Variants in ANO3 observed in about 807,000 individuals in gnomAD.
The protein encoded by ANO3 is anoctamin 3.
In ANO3, 99 loss-of-function variants were observed where a neutral mutation model predicts 144.8. The observed-to-expected ratio is 0.68, with a 90% CI of 0.58 to 0.81. The LOEUF (loss-of-function observed/expected upper bound fraction) is 0.81. ANO3 is among the 30% of genes least tolerant of loss of function. ANO3 has a pLI of 0.00. For missense variants in ANO3, 905 were observed against 1,202.2 expected, an observed-to-expected ratio of 0.75 and a Z score of 3.66; for synonymous variants, 414 against 392.6, an observed-to-expected ratio of 1.05 and a Z score of -0.64.
chr11:26,471,935 A>C (rs1859798372), intron 4 of ANO3, among the ~76,000 whole-genome samples: 1 of 151,958 alleles, frequency 6.6e-6, no homozygotes, highest in South Asian at 2.1e-4. Context: ...TTAAGAATTT[A>C]TTTTGGAAGA....
intron 1 of ANO3, among the ~76,000 whole-genome samples, chr11:26,301,643 G>A (rs954220209): frequency 1.1e-4 from 16 of 152,084 alleles, no homozygotes; most frequent in African/African-American, 3.9e-4. Flanking sequence ...TTGAGAGATA[G>A]GGAAGGAAGA....
chr11:26,323,366 T>G (rs1203873170), intron 1 of ANO3, among the ~76,000 whole-genome samples: 3 of 152,188 alleles, frequency 2.0e-5, no homozygotes, highest in African/African-American at 7.2e-5. Flanking sequence ...GTATGCATTT[T>G]GATCTGTCTG....
chr11:26,229,881 A>T (rs1004522975), intron 1 of ANO3, among the ~76,000 whole-genome samples: 1 of 152,228 alleles, frequency 6.6e-6, no homozygotes, highest in African/African-American at 2.4e-5. Context: ...GAATAAAAGG[A>T]TAACAGTTAT....
At chr11:26,197,350 G>A (rs753647710) in intron 1 of ANO3, among the ~76,000 whole-genome samples, 10 of 151,962 alleles carry the variant, frequency 6.6e-5, no homozygotes, top group Non-Finnish European at 1.0e-4. Context: ...TTTTGTTTTT[G>A]TTTTTGTTTT....
chr11:26,630,571 C>G (rs1852744524), intron 18 of ANO3, among the ~76,000 whole-genome samples: 1 of 151,866 alleles, frequency 6.6e-6, no homozygotes, highest in Non-Finnish European at 1.5e-5. Flanking sequence ...TTATAAAAAA[C>G]AGTTTATAAG....
At chr11:26,485,710 T>C (rs1373060288) in intron 4 of ANO3, among the ~76,000 whole-genome samples, 1 of 152,050 alleles carries the variant, frequency 6.6e-6, no homozygotes, top group African/African-American at 2.4e-5. Flanking sequence ...CAACTCAAGA[T>C]GGATCCAAGA....
At chr11:26,303,259 G>A (rs2133864496) in intron 1 of ANO3, among the ~76,000 whole-genome samples, 1 of 152,144 alleles carries the variant, frequency 6.6e-6, no homozygotes, top group South Asian at 2.1e-4. Flanking sequence ...TCATCACAGC[G>A]CTATTGACAA....
At position 26,559,853 on chromosome 11, in the gene ANO3, C is replaced by T. The variant is rs11029616; in HGVS notation, c.1447+74C>T. On this transcript the variant is annotated intron_variant, in intron 14 of 26. Transcript: ENST00000256737. The stretch of plus-strand genomic sequence containing the variant: ...TCTGTGTTACACACACACACACACA[C>T]ACACACACACACACACACACACCAT... 3,889 of 798,002 alleles carry T rather than the reference C, an allele frequency of 4.9e-3. 10 individuals are homozygous for T. Among genetic ancestry groups the T allele is most frequent in the South Asian group, 0.011 (681 of 59,958 alleles). The allele number at this position is 798,002 out of a possible 1,614,324, so 49.4% of individuals were successfully genotyped here. A position where few individuals can be genotyped will look rare whatever the true frequency, so the allele number is the denominator to read the frequency against.
chr11:26,582,833 T>C (rs1851171500), intron 14 of ANO3, among the ~76,000 whole-genome samples: 1 of 152,202 alleles, frequency 6.6e-6, no homozygotes, highest in Non-Finnish European at 1.5e-5. Context: ...ACTCCTGTTA[T>C]TTTTGTTGAT....
At chr11:26,200,552 G>A (rs1305941125) in intron 1 of ANO3, among the ~76,000 whole-genome samples, 6 of 152,130 alleles carry the variant, frequency 3.9e-5, no homozygotes, top group African/African-American at 1.4e-4. Flanking sequence ...TGCTGAACAA[G>A]GCCAACGTGG....
At chr11:26,585,009 A>C (rs550060813) in intron 14 of ANO3, among the ~76,000 whole-genome samples, 13 of 152,194 alleles carry the variant, frequency 8.5e-5, no homozygotes, top group Non-Finnish European at 1.9e-4. Flanking sequence ...TTTCTGGAAT[A>C]TCCCTTTCAC....
intron 14 of ANO3, among the ~76,000 whole-genome samples, chr11:26,592,189 T>A (rs1851473182): frequency 1.3e-5 from 2 of 152,126 alleles, no homozygotes; most frequent in South Asian, 4.2e-4. Context: ...TAAGTCACAC[T>A]TTTGGGAGAG....
At chr11:26,660,215 C>T (rs776013402) in intron 26 of ANO3, 47 bp from the exon 27 acceptor site, 1 of 1,539,338 alleles carries the variant, frequency 6.5e-7, no homozygotes, top group African/African-American at 1.4e-5. Context: ...TTATAATTAG[C>T]ATTTCAGAAT....
At chr11:26,513,340 G>A (rs1260566936) in intron 5 of ANO3, among the ~76,000 whole-genome samples, 1 of 152,198 alleles carries the variant, frequency 6.6e-6, no homozygotes. Context: ...GGACAAGAGT[G>A]TGAGCAAAGA....
At chr11:26,453,018 C>T (rs559465531) in intron 3 of ANO3, among the ~76,000 whole-genome samples, 1 of 151,988 alleles carries the variant, frequency 6.6e-6, no homozygotes, top group African/African-American at 2.4e-5. Context: ...ACTTTACAGA[C>T]AAGCAAATGC....
At chr11:26,426,102 T>C (rs574736254) in intron 1 of ANO3, among the ~76,000 whole-genome samples, 28 of 152,066 alleles carry the variant, frequency 1.8e-4, no homozygotes, top group African/African-American at 1.2e-4. Flanking sequence ...TATAAAATAC[T>C]GTGTGTGTGT....
intron 1 of ANO3, among the ~76,000 whole-genome samples, chr11:26,441,106 G>GGT (rs1325936058): frequency 3.0e-4 from 26 of 86,550 alleles, no homozygotes; most frequent in African/African-American, 1.1e-3. Context: ...TTGCTGCCCA[G>GGT]TTTTTTTTTT....
At position 26,624,470 on chromosome 11, in the gene ANO3, A is replaced by G. The variant is rs760495853; in HGVS notation, c.1845A>G (p.Glu615=). Reference sequence around the variant, plus strand: ...ATTCTCTTTTATTACAGGCTTATGAAAAAATTGCTTACCTCCTCACCAATT... The same window carrying G: ...ATTCTCTTTTATTACAGGCTTATGAGAAAATTGCTTACCTCCTCACCAATT... ...IIIMLLNLAY[E]KIAYLLTNLE... Residue 615 remains glutamate, a synonymous_variant, in exon 18 of 27, where the codon GAA becomes GAG. Transcript: ENST00000256737. 2 of 1,606,314 alleles carry G rather than the reference A, an allele frequency of 1.2e-6. No individual in the cohort carries two copies. Among genetic ancestry groups the G allele is most frequent in the East Asian group, 4.5e-5 (2 of 44,688 alleles).
chr11:26,374,526 G>A (rs1250590676), intron 1 of ANO3, among the ~76,000 whole-genome samples: 1 of 152,084 alleles, frequency 6.6e-6, no homozygotes, highest in Non-Finnish European at 1.5e-5. Flanking sequence ...CTGATAAAGG[G>A]AAACAAAAAT....
Sources: gnomAD v4.1 joint callset for allele counts (sites outside exome capture counted in the v4.1 genomes callset) on GRCh38, gnomAD v4.1.1 for gene constraint, MANE v1.5 for transcripts, NCBI Gene and HGNC (gene_info 2026-07-23, HGNC 2026-07-21) for gene names.